The following P2RX4 variants were observed in gnomAD, a reference collection of about 807,000 sequenced individuals.
P2RX4 encodes the protein P2X purinoceptor 4.
In P2RX4, 37 loss-of-function variants were observed where a neutral mutation model predicts 48.0. That is an observed-to-expected ratio of 0.77 (90% confidence interval 0.59 to 1.01). P2RX4 has a LOEUF of 1.01. P2RX4 is among the 50% of genes least tolerant of loss of function. The pLI, the probability that P2RX4 is intolerant of heterozygous loss-of-function variation, is 0.00. For synonymous variants in P2RX4, 200 were observed against 199.7 expected, an observed-to-expected ratio of 1.00 and a Z score of -0.01; for missense variants, 501 against 521.4, an observed-to-expected ratio of 0.96 and a Z score of 0.38.
chr12:121,219,717 AAG>A (rs1245199438), intron 2 of P2RX4, among the ~76,000 whole-genome samples: 3 of 152,076 alleles, frequency 2.0e-5, no homozygotes, highest in South Asian at 2.1e-4. Flanking sequence ...AAAGAAAGAA[AAG>A]AGAAGAGAAA....
chr12:121,222,594 G>A, intron 4 of P2RX4: 2 of 488,014 alleles, frequency 4.1e-6, no homozygotes, highest in Non-Finnish European at 3.9e-6. Context: ...TGTACTTTTG[G>A]TAGAGATGGG....
intron 2 of P2RX4, among the ~76,000 whole-genome samples, chr12:121,217,533 T>A (rs1886310016): frequency 6.6e-6 from 1 of 152,086 alleles, no homozygotes; most frequent in Admixed American, 6.6e-5. Context: ...AAAACAAATG[T>A]CTTAAATCCT....
chr12:121,223,342 C>T (rs1886768399), intron 5 of P2RX4: 1 of 383,988 alleles, frequency 2.6e-6, no homozygotes, highest in East Asian at 6.1e-5. Context: ...TCCCAAAGTG[C>T]TAGGATTACA....
intron 1 of P2RX4, among the ~76,000 whole-genome samples, chr12:121,212,584 T>C (rs1407698269): frequency 1.3e-5 from 2 of 148,828 alleles, no homozygotes; most frequent in Non-Finnish European, 3.0e-5. Context: ...GGTCAGGAGT[T>C]CGAGACCAGC....
At chr12:121,224,663 G>A (rs1228077303) in intron 5 of P2RX4, among the ~76,000 whole-genome samples, 2 of 151,762 alleles carry the variant, frequency 1.3e-5, no homozygotes, top group African/African-American at 4.8e-5. Context: ...AACTAGCCAG[G>A]TTCAAGGTTG....
rs200691563 is a variant in P2RX4 at position 121,210,153 on chromosome 12, G to A, written c.-12G>A. The A allele has an allele frequency of 4.6e-6, 7 of 1,521,092 alleles. 1 individual carries two copies. Among genetic ancestry groups the A allele is most frequent in the African/African-American group, 4.3e-5 (3 of 69,730 alleles). The allele number at this position is 1,521,092 out of a possible 1,614,324, so 94.2% of individuals were successfully genotyped here. On this transcript the variant is annotated 5_prime_UTR_variant, in exon 1 of 12. Transcript: ENST00000337233. ...CAGACCGACTAGGGGACTGGGAGCG[G>A]GCGGCGCGGCCATGGCGGGCTGCTG...
Position 121,228,875 on chromosome 12 carries a change from G to C in P2RX4, c.747+9G>C, listed in dbSNP as rs752166654. 2.5e-6 allele frequency: 4 copies of C among 1,614,074 alleles called. No homozygotes were observed. The highest frequency in any genetic ancestry group is 3.4e-6 in the Non-Finnish European group (4 of 1,180,026). On this transcript the variant is annotated intron_variant, in intron 7 of 11. Coordinates refer to ENST00000337233, the MANE Select transcript of P2RX4 (RefSeq NM_002560.3). ...AGGACATGGCCGTGGAGGTGGGTGCGGGCCCTGGCTCTCCTGACCCAGCCC... is the reference window on the plus strand; with the variant it reads ...AGGACATGGCCGTGGAGGTGGGTGCCGGCCCTGGCTCTCCTGACCCAGCCC...
Position 121,232,942 on chromosome 12 carries a change from A to T in P2RX4, c.1045-55A>T. The T allele has an allele frequency of 8.3e-7, 1 of 1,210,442 alleles. No homozygotes were observed. Among genetic ancestry groups the T allele is most frequent in the South Asian group, 1.2e-5 (1 of 83,068 alleles). The allele number at this position is 1,210,442 out of a possible 1,614,324, so 75.0% of individuals were successfully genotyped here. The stretch of plus-strand genomic sequence containing the variant: ...CAGGAAGGGGCACGCAAAGAATAAG[A>T]TGGGTTGATGGGTTGCAAGCATCCT... On this transcript the variant is annotated intron_variant, in intron 10 of 11. Coordinates refer to ENST00000337233, the MANE Select transcript of P2RX4 (RefSeq NM_002560.3). This position sits in a 1 kb window ranked among gnomAD's most constrained non-coding sequence, Gnocchi z 4.3.
chr12:121,226,151 C>A (rs1287363299), intron 5 of P2RX4, among the ~76,000 whole-genome samples: 1 of 152,032 alleles, frequency 6.6e-6, no homozygotes, highest in Non-Finnish European at 1.5e-5. Context: ...GGGATTACAG[C>A]GTGAGCCACC....
rs760763418 is a variant in P2RX4 at position 121,233,083 on chromosome 12, T to A, written c.1131T>A (p.Asp377Glu). Residue 377 changes from aspartate to glutamate, a missense_variant, in exon 11 of 12, where the codon GAT becomes GAA. This residue lies in a region of P2RX4 where 197 missense variants were observed against 219.5 expected (regional missense o/e 0.90). Transcript: ENST00000337233. ...YREKKYKYVE[D>E]YEQGLASELD... ...AGAAGAAATATAAATATGTGGAAGA[T>A]TACGAGCAGGTAGGCCCCTCCTGGC... 3 of 1,609,244 alleles carry A rather than the reference T, an allele frequency of 1.9e-6. No individual in the cohort carries two copies. The highest frequency in any genetic ancestry group is 1.3e-5 in the African/African-American group (1 of 74,748).
intron 1 of P2RX4, chr12:121,215,508 A>G (rs536551011): frequency 2.0e-5 from 3 of 147,272 alleles, no homozygotes; most frequent in Admixed American, 7.1e-5. Flanking sequence ...GTGCGGTGGC[A>G]TCACAGCTCA....
rs145503803 is a variant in P2RX4, at chr12:121,232,785, C to T, written c.1044+109C>T. On this transcript the variant is annotated intron_variant, in intron 10 of 11. Coordinates refer to ENST00000337233, the MANE Select transcript of P2RX4 (RefSeq NM_002560.3). The surrounding 1 kb of genome is among the most constrained non-coding windows in gnomAD (Gnocchi z 4.3). Reference sequence around the variant, plus strand: ...CCTCAGATGTGTTTCTAAACTTGACCCTCCTACCTTCTTTCCCTTGGCCCC... The same window carrying T: ...CCTCAGATGTGTTTCTAAACTTGACTCTCCTACCTTCTTTCCCTTGGCCCC... The T allele has an allele frequency of 2.1e-3, 2,143 of 1,017,814 alleles. 16 individuals carry two copies. Among genetic ancestry groups the T allele is most frequent in the East Asian group, 0.019 (784 of 42,152 alleles). 63.0% of individuals were successfully genotyped at this position (1,017,814 alleles called of 1,614,324 possible). A position where few individuals can be genotyped will look rare whatever the true frequency, so the allele number is the denominator to read the frequency against.
At chr12:121,224,391 G>A (rs1335299164) in intron 5 of P2RX4, among the ~76,000 whole-genome samples, 1 of 152,036 alleles carries the variant, frequency 6.6e-6, no homozygotes, top group Non-Finnish European at 1.5e-5. Context: ...ATCATCTGAG[G>A]CCAGGAGTTC....
At chr12:121,225,599 G>A (rs1886931900) in intron 5 of P2RX4, among the ~76,000 whole-genome samples, 1 of 151,914 alleles carries the variant, frequency 6.6e-6, no homozygotes, top group Non-Finnish European at 1.5e-5. Context: ...TTTTAGTAGA[G>A]AGGGGGTTTC....
intron 1 of P2RX4, 109 bp from the exon 2 acceptor site, chr12:121,217,025 T>C: frequency 2.7e-6 from 3 of 1,096,276 alleles, no homozygotes; most frequent in African/African-American, 1.5e-5. Flanking sequence ...TAGAAAGTCA[T>C]GTAATTAGTC....
chr12:121,219,620 GATAGATAGATAGATAGATA>G (rs1566001904), intron 2 of P2RX4, among the ~76,000 whole-genome samples: 2,905 of 111,130 alleles, frequency 0.026, 96 homozygotes, highest in African/African-American at 0.092. Flanking sequence ...TGGATGGATA[GATAGATAGATAGATAGATA>G]GATAGATAGA....
At chr12:121,220,218 G>T (rs1255664195) in intron 2 of P2RX4, among the ~76,000 whole-genome samples, 1 of 152,074 alleles carries the variant, frequency 6.6e-6, no homozygotes, top group African/African-American at 2.4e-5. Context: ...AATCTGGTTG[G>T]CAGGGAATGT....
chr12:121,221,165 TTTGTGTG>T (rs1566003118), intron 2 of P2RX4, among the ~76,000 whole-genome samples: 1 of 99,000 alleles, frequency 1.0e-5, no homozygotes, highest in African/African-American at 3.6e-5. Context: ...TCTGTGTGTG[TTTGTGTG>T]TGTGTGTGTG....
intron 1 of P2RX4, chr12:121,216,907 T>C: frequency 1.4e-6 from 1 of 704,352 alleles, no homozygotes; most frequent in Non-Finnish European, 2.6e-6. Context: ...GCTGAGTGCT[T>C]TACCTGCACC....
Sources: gnomAD v4.1 joint callset for allele counts (sites outside exome capture counted in the v4.1 genomes callset) on GRCh38, gnomAD v4.1.1 for gene constraint, gnomAD v4.1.1 regional missense constraint, Gnocchi (gnomAD v3.1) non-coding constraint, MANE v1.5 for transcripts, NCBI Gene and HGNC (gene_info 2026-07-23, HGNC 2026-07-21) for gene names.